Variants in SPIRE2 observed in about 807,000 individuals in gnomAD.
The protein encoded by SPIRE2 is protein spire homolog 2.
Under a neutral mutation model 80.7 loss-of-function variants are expected in SPIRE2, and 76 were observed. The ratio of observed to expected loss-of-function variants is 0.94; its 90% CI spans 0.78 to 1.14. The LOEUF is 1.14. Ranked by LOEUF, SPIRE2 falls within the 50% of genes most tolerant of loss-of-function variation. SPIRE2 has a pLI of 0.00. For missense variants in SPIRE2, 1,196 were observed against 1,015.3 expected (o/e 1.18, Z -2.42); for synonymous variants, 535 against 432.6 (o/e 1.24, Z -2.94).
rs1403531839 is a variant in SPIRE2 at position 89,855,637 on chromosome 16, C to T, written c.929C>T (p.Ala310Val). 6.2e-7 allele frequency: 1 copy of T among 1,612,722 alleles called. No individual in the cohort carries two copies. The highest frequency in any genetic ancestry group is 1.7e-5 in the Admixed American group (1 of 59,988). ...GDIPPRVKKDAHELILDFIRS... is the reference protein window; with the variant it reads ...GDIPPRVKKDVHELILDFIRS... ...ATCCCGCCCCGGGTGAAGAAGGACG[C>T]TCACGAGCTCATCCTGGACTTTATC... is the stretch of plus-strand genomic sequence containing the variant. Residue 310 changes from alanine (A) to valine (V), a missense_variant, in exon 6 of 15, where the codon GCT becomes GTT. By Grantham distance (64) the Ala-to-Val change is moderately conservative (BLOSUM62 0). Transcript: ENST00000378247.
At chr16:89,839,063 T>C (rs2041478119) in intron 1 of SPIRE2, among the ~76,000 whole-genome samples, 1 of 147,224 alleles carries the variant, frequency 6.8e-6, no homozygotes, top group Admixed American at 6.8e-5. Context: ...AGGAGGGGGC[T>C]GGGCGCTGTG....
chr16:89,852,824 G>A (rs1287491289), intron 3 of SPIRE2, among the ~76,000 whole-genome samples: 11 of 38,802 alleles, frequency 2.8e-4, no homozygotes, highest in African/African-American at 1.3e-3. Flanking sequence ...GGATCCCATG[G>A]CCCGTCTTCC....
At chr16:89,857,803 C>G (rs1024780833) in intron 7 of SPIRE2, among the ~76,000 whole-genome samples, 3 of 151,696 alleles carry the variant, frequency 2.0e-5, no homozygotes, top group African/African-American at 7.3e-5. Context: ...CTCTTGACCT[C>G]AGGTGATCCA....
intron 1 of SPIRE2, among the ~76,000 whole-genome samples, chr16:89,842,162 C>T (rs373659382): frequency 6.6e-6 from 1 of 151,486 alleles, no homozygotes; most frequent in South Asian, 2.1e-4. Context: ...CCCAGAGACA[C>T]CCCAAGTCTT....
intron 12 of SPIRE2, among the ~76,000 whole-genome samples, chr16:89,865,141 G>C (rs1054593675): frequency 2.0e-5 from 3 of 151,738 alleles, no homozygotes; most frequent in Admixed American, 1.3e-4. Flanking sequence ...CGAGTAGCTG[G>C]GTCTACAGGC....
At chr16:89,837,078 G>C (rs1050734647) in intron 1 of SPIRE2, among the ~76,000 whole-genome samples, 1 of 152,130 alleles carries the variant, frequency 6.6e-6, no homozygotes, top group African/African-American at 2.4e-5. Context: ...AAAGCTGCCC[G>C]TGCCTGGCCC....
intron 10 of SPIRE2, 127 bp downstream of exon 10, chr16:89,860,922 T>G (rs1340001499): frequency 1.7e-5 from 10 of 584,852 alleles, no homozygotes; most frequent in Non-Finnish European, 2.8e-5. Context: ...TGAGCGTCCG[T>G]CTGGGGGGGC....
chr16:89,864,176 G>A (rs2041769002), intron 12 of SPIRE2, among the ~76,000 whole-genome samples: 2 of 152,092 alleles, frequency 1.3e-5, no homozygotes, highest in Admixed American at 1.3e-4. Context: ...AACACAACGG[G>A]GCAAGCCTGC....
At chr16:89,869,053 A>AAAAAAAAAATATATATATAT in intron 13 of SPIRE2, among the ~76,000 whole-genome samples, 3 of 24,028 alleles carry the variant, frequency 1.2e-4, no homozygotes, top group African/African-American at 1.6e-4. Context: ...AAAAAAAAAA[A>AAAAAAAAAATATATATATAT]ATATATATAT....
At chr16:89,853,189 GAC>G (rs1422747135) in intron 3 of SPIRE2, among the ~76,000 whole-genome samples, 2 of 152,222 alleles carry the variant, frequency 1.3e-5, no homozygotes, top group Non-Finnish European at 2.9e-5. Flanking sequence ...CATTCTTAGA[GAC>G]ACAGTCTTAC....
chr16:89,867,103 CAGTGTGCA>C (rs2041796207), intron 12 of SPIRE2, among the ~76,000 whole-genome samples: 1 of 151,936 alleles, frequency 6.6e-6, no homozygotes, highest in Non-Finnish European at 1.5e-5. Context: ...CTTTCCAAGA[CAGTGTGCA>C]AGTTTTTTTT....
At position 89,828,565 on chromosome 16, in the gene SPIRE2, C is replaced by G; in HGVS notation, c.15C>G (p.Gly5=). 5.2e-6 allele frequency: 6 copies of G among 1,143,400 alleles called. No individual in the cohort carries two copies. The highest frequency in any genetic ancestry group is 5.3e-6 in the Non-Finnish European group (5 of 935,186). 70.8% of individuals were successfully genotyped at this position (1,143,400 alleles called of 1,614,324 possible). Residue 5 remains glycine (G), a synonymous_variant, in exon 1 of 15, where the codon GGC becomes GGG. Transcript: ENST00000378247. This position sits in a 1 kb window ranked among gnomAD's most constrained non-coding sequence, Gnocchi z 5.9. MARA[G]SCGGAAAGAG... ...ACGGCCCCGCCATGGCCCGGGCGGG[C>G]AGCTGCGGCGGCGCCGCGGCGGGCG...
chr16:89,860,531 C>T, intron 9 of SPIRE2, 152 bp from the exon 10 acceptor site: 1 of 596,378 alleles, frequency 1.7e-6, no homozygotes, highest in Non-Finnish European at 3.0e-6. Flanking sequence ...AGTGCTAGAA[C>T]TGCCCGTGTA....
rs1235961257 is a variant in SPIRE2 at position 89,828,766 on chromosome 16, G to T, written c.216G>T (p.Ser72=). ...ACCTCCTGCTGCGCGGGGACGGCTC[G>T]GTCGGGGCGCGGGAGCCCGAGGCCG... is the stretch of plus-strand genomic sequence containing the variant. ...TGDLLLRGDG[S]VGAREPEAAE... is the part of the protein sequence containing the mutation. The change falls in exon 1 of 15, where the codon TCG becomes TCT. Residue 72 remains serine, a synonymous_variant. Coordinates refer to ENST00000378247, the MANE Select transcript of SPIRE2 (RefSeq NM_032451.2). The surrounding 1 kb of genome is among the most constrained non-coding windows in gnomAD (Gnocchi z 5.9). 8 of 1,190,994 alleles carry T rather than the reference G, an allele frequency of 6.7e-6. No individual in the cohort carries two copies. Among genetic ancestry groups the T allele is most frequent in the South Asian group, 4.1e-5 (1 of 24,496 alleles). 73.8% of individuals were successfully genotyped at this position (1,190,994 alleles called of 1,614,324 possible).
chr16:89,860,674 C>T lies in SPIRE2; in HGVS notation c.1463-9C>T, dbSNP rs767438443. On this transcript the variant is annotated splice_polypyrimidine_tract_variant and intron_variant, in intron 9 of 14. Transcript: ENST00000378247. Reference sequence around the variant, plus strand: ...AGGCAGTCCTGATGGAGCCTCTGCTCTCCCCCAGGTACCTGTCCCGCGAGT... The same window carrying T: ...AGGCAGTCCTGATGGAGCCTCTGCTTTCCCCCAGGTACCTGTCCCGCGAGT... 2 of 1,565,128 alleles carry T rather than the reference C, an allele frequency of 1.3e-6. No homozygotes were observed.
At chr16:89,845,640 G>A (rs72813409) in intron 2 of SPIRE2, 30,571 of 701,226 alleles carry the variant, frequency 0.044, 877 homozygotes, top group South Asian at 0.08. Flanking sequence ...ACAGATGAGG[G>A]GCACAGCTGA....
At position 89,854,657 on chromosome 16, in the gene SPIRE2, C is replaced by T. The variant is rs370627264; in HGVS notation, c.891+6C>T. Reference sequence around the variant, plus strand: ...ACAAGCTGCGCAAGGTCATGGTGAGCGGGGCAGACGCAGAGGGGCAGCCTG... The same window carrying T: ...ACAAGCTGCGCAAGGTCATGGTGAGTGGGGCAGACGCAGAGGGGCAGCCTG... On this transcript the variant is annotated splice_donor_region_variant and intron_variant, in intron 5 of 14. Coordinates refer to ENST00000378247, the MANE Select transcript of SPIRE2 (RefSeq NM_032451.2). 185 of 1,604,206 alleles carry T rather than the reference C, an allele frequency of 1.2e-4. No individual in the cohort carries two copies. The highest frequency in any genetic ancestry group is 6.8e-4 in the South Asian group (62 of 90,724).
intron 2 of SPIRE2, 59 bp from the exon 3 acceptor site, chr16:89,850,245 C>G (rs566306526): frequency 6.7e-7 from 1 of 1,483,660 alleles, no homozygotes; most frequent in Non-Finnish European, 9.2e-7. Context: ...CCACCAGCCG[C>G]GTTCTCCCCG....
chr16:89,845,577 C>T (rs780647365), intron 2 of SPIRE2: 3 of 704,426 alleles, frequency 4.3e-6, no homozygotes, highest in African/African-American at 1.7e-5. Flanking sequence ...GGAGGGTCCC[C>T]GTGGTGCTTC....
Sources: gnomAD v4.1 joint callset for allele counts (sites outside exome capture counted in the v4.1 genomes callset) on GRCh38, gnomAD v4.1.1 for gene constraint, Gnocchi (gnomAD v3.1) non-coding constraint, MANE v1.5 for transcripts, NCBI Gene and HGNC (gene_info 2026-07-23, HGNC 2026-07-21) for gene names.